The following CYRIB variants were observed in gnomAD, a reference collection of about 807,000 sequenced individuals.
CYRIB encodes CYFIP-related Rac1 interactor B.
A neutral mutation model predicts 44.2 loss-of-function variants in CYRIB; 8 were observed. The ratio of observed to expected loss-of-function variants is 0.18; its 90% CI spans 0.11 to 0.33. CYRIB has a LOEUF of 0.33. Among genes scored for constraint, CYRIB ranks in the 10% least tolerant of loss-of-function variants. The pLI is 1.00. For synonymous variants in CYRIB, 131 were observed against 127.2 expected, an observed-to-expected ratio of 1.03 and a Z score of -0.20; for missense variants, 185 against 382.8, an observed-to-expected ratio of 0.48 and a Z score of 4.31.
intron 1 of CYRIB, among the ~76,000 whole-genome samples, chr8:129,998,309 G>A (rs898809810): frequency 3.9e-5 from 6 of 152,164 alleles, no homozygotes; most frequent in African/African-American, 1.4e-4. Flanking sequence ...TACAGAGGAG[G>A]ACCCTGTTAT....
intron 11 of CYRIB, among the ~76,000 whole-genome samples, chr8:129,842,485 C>T (rs1309488064): frequency 1.3e-5 from 2 of 152,328 alleles, no homozygotes; most frequent in South Asian, 4.1e-4. Context: ...GCTGTAACTT[C>T]TCCCTCAGAA....
At chr8:129,865,039 C>T (rs1353896739) in intron 4 of CYRIB, 1 of 166,708 alleles carries the variant, frequency 6.0e-6, no homozygotes, top group East Asian at 1.8e-4. Flanking sequence ...AGGTAGAATG[C>T]TCTCCAGCTC....
intron 1 of CYRIB, among the ~76,000 whole-genome samples, chr8:130,009,029 A>G (rs1369430692): frequency 6.6e-6 from 1 of 152,204 alleles, no homozygotes; most frequent in African/African-American, 2.4e-5. Context: ...TGTCAGGCAT[A>G]TTCAGACATC....
At chr8:129,954,261 C>G (rs1334583329) in intron 2 of CYRIB, among the ~76,000 whole-genome samples, 1 of 151,952 alleles carries the variant, frequency 6.6e-6, no homozygotes, top group Non-Finnish European at 1.5e-5. Flanking sequence ...CTCGCTGTGT[C>G]CCCCAGGCTG....
In CYRIB at chr8:130,011,694, A is replaced by G. The variant is rs763239011; in HGVS notation, c.-296+4676T>C. ...AAAGAAAGAAAGAAATTAGCCAGGC[A>G]TGGTGGCGGGTGCCTGTAGTCCCAG... On this transcript the variant is annotated intron_variant, in intron 1 of 14. Transcript: ENST00000401979. Among the ~76,000 whole-genome samples the G allele has an allele frequency of 1.7e-4, 24 of 141,020 alleles. No individual in the cohort carries two copies. In the East Asian group the frequency reaches 1.8e-3, roughly 10 times the overall value. The allele number at this position is 141,020 out of a possible 152,430, so 92.5% of individuals were successfully genotyped here.
intron 1 of CYRIB, among the ~76,000 whole-genome samples, chr8:129,981,938 T>C (rs1037376426): frequency 2.6e-5 from 4 of 152,228 alleles, no homozygotes; most frequent in South Asian, 2.1e-4. Context: ...CATCATCTAT[T>C]CATCTAGCTT....
chr8:129,877,695 T>C (rs1564512028), intron 3 of CYRIB, among the ~76,000 whole-genome samples: 1 of 148,588 alleles, frequency 6.7e-6, no homozygotes, highest in Non-Finnish European at 1.5e-5. Context: ...TGTGTGTGTG[T>C]GTATAAAATG....
In CYRIB at chr8:129,863,524, T is replaced by TAAA. The variant is rs768283158; in HGVS notation, c.196-1193_196-1191dup. On this transcript the variant is annotated intron_variant, in intron 4 of 11. Transcript: ENST00000519824. Reference sequence around the variant, plus strand: ...TGGGTGATAGAGCGAGACTCTGTCTTAAAAAAAAAAAAAAGAAAATACAAA... The same window carrying TAAA: ...TGGGTGATAGAGCGAGACTCTGTCTTAAAAAAAAAAAAAAAAAGAAAATACAAA... Among the ~76,000 whole-genome samples, 24 of 137,788 alleles carry TAAA rather than the reference T, an allele frequency of 1.7e-4. No individual in the cohort carries two copies. The South Asian group carries it at 5.3e-3, about 31-fold the overall frequency. 90.4% of individuals were successfully genotyped at this position (137,788 alleles called of 152,430 possible).
chr8:129,934,703 G>A (rs1227295715), intron 1 of CYRIB, among the ~76,000 whole-genome samples: 1 of 152,150 alleles, frequency 6.6e-6, no homozygotes, highest in Non-Finnish European at 1.5e-5. Flanking sequence ...GTTTTATTAT[G>A]GGTCTGAAGA....
At chr8:129,916,407 C>G (rs1450472432) in intron 1 of CYRIB, among the ~76,000 whole-genome samples, 1 of 151,554 alleles carries the variant, frequency 6.6e-6, no homozygotes, top group Non-Finnish European at 1.5e-5. Flanking sequence ...CATCACTGCT[C>G]TATTAAAAAA....
Position 129,854,249 on chromosome 8 carries a change from T to C in CYRIB, c.516+17A>G, listed in dbSNP as rs775360880. On this transcript the variant is annotated intron_variant, in intron 7 of 11. Transcript: ENST00000519824. ...AAGTTACTCTTACCATCCCCCTAAT[T>C]CAAAGCATTAACTTACCGGTACATT... 6.3e-7 allele frequency: 1 copy of C among 1,580,286 alleles called. No individual in the cohort carries two copies. Among genetic ancestry groups the C allele is most frequent in the Non-Finnish European group, 8.7e-7 (1 of 1,153,134 alleles).
chr8:129,888,602 C>G (rs2063732268), intron 2 of CYRIB, among the ~76,000 whole-genome samples: 1 of 152,134 alleles, frequency 6.6e-6, no homozygotes, highest in Non-Finnish European at 1.5e-5. Flanking sequence ...ATGCCCCTTC[C>G]ATCCTCCTCT....
intron 1 of CYRIB, among the ~76,000 whole-genome samples, chr8:129,908,886 T>A (rs779452087): frequency 3.9e-5 from 6 of 152,232 alleles, no homozygotes; most frequent in Non-Finnish European, 7.3e-5. Flanking sequence ...TAAATCTTAA[T>A]ACTGCGCAAA....
upstream of CYRIB, chr8:129,939,869 G>A (rs959160640): frequency 4.1e-4 from 63 of 152,526 alleles, no homozygotes; most frequent in Non-Finnish European, 7.9e-4. Flanking sequence ...AAGTGAGGGC[G>A]CCGCGGACCT....
At chr8:130,002,824 G>A (rs768292149) in intron 1 of CYRIB, among the ~76,000 whole-genome samples, 1 of 152,178 alleles carries the variant, frequency 6.6e-6, no homozygotes, top group East Asian at 1.9e-4. Flanking sequence ...CTAGCCAGGT[G>A]CGGTGGCCCA....
chr8:129,998,595 G>A (rs1197136911), intron 1 of CYRIB, among the ~76,000 whole-genome samples: 2 of 152,040 alleles, frequency 1.3e-5, no homozygotes, highest in African/African-American at 4.8e-5. Flanking sequence ...TGGCTCCCCG[G>A]GGGGGTTGTT....
At chr8:129,921,004 C>T (rs748613411) in intron 1 of CYRIB, among the ~76,000 whole-genome samples, 7 of 152,076 alleles carry the variant, frequency 4.6e-5, no homozygotes, top group Non-Finnish European at 8.8e-5. Flanking sequence ...ACTAAAACCA[C>T]AAAAATGGAG....
intron 1 of CYRIB, among the ~76,000 whole-genome samples, chr8:130,014,028 T>C (rs1297231119): frequency 6.6e-6 from 1 of 152,202 alleles, no homozygotes; most frequent in East Asian, 1.9e-4. Context: ...ACCCTCAATC[T>C]GCCCCTTCCT....
At chr8:129,874,596 T>C (rs910660661) in intron 3 of CYRIB, among the ~76,000 whole-genome samples, 13 of 152,146 alleles carry the variant, frequency 8.5e-5, no homozygotes, top group Admixed American at 7.9e-4. Flanking sequence ...GGTACATCTG[T>C]AAACTCAGTA....
Sources: gnomAD v4.1 joint callset for allele counts (sites outside exome capture counted in the v4.1 genomes callset) on GRCh38, gnomAD v4.1.1 for gene constraint, MANE v1.5 for transcripts, NCBI Gene and HGNC (gene_info 2026-07-23, HGNC 2026-07-21) for gene names.